The following CRADD variants were observed in gnomAD, a reference collection of about 807,000 sequenced individuals.
CRADD encodes the protein CARD and death domain containing adaptor protein.
CRADD carries 9 observed loss-of-function variants against 15.5 expected under a neutral mutation model. That is an observed-to-expected ratio of 0.58 (90% CI 0.35 to 1.01). CRADD has a LOEUF of 1.01. CRADD is among the 50% of genes least tolerant of loss of function. CRADD has a pLI of 0.02. For missense variants in CRADD, 227 were observed against 250.3 expected (o/e 0.91, Z 0.63); for synonymous variants, 118 against 107.6 (o/e 1.10, Z -0.60).
At chr12:93,820,999 T>C (rs2137018755) in intron 2 of CRADD, among the ~76,000 whole-genome samples, 1 of 152,364 alleles carries the variant, frequency 6.6e-6, no homozygotes, top group East Asian at 1.9e-4. Flanking sequence ...AGACACTGCC[T>C]GATGCAGAGG....
chr12:93,711,425 G>C (rs777142808), intron 2 of CRADD, among the ~76,000 whole-genome samples: 5 of 152,032 alleles, frequency 3.3e-5, no homozygotes, highest in Non-Finnish European at 7.4e-5. Context: ...ATGTAAGTCA[G>C]ATCATGTTAT....
At chr12:93,825,445 AAG>A (rs1957813334) in intron 2 of CRADD, among the ~76,000 whole-genome samples, 1 of 152,172 alleles carries the variant, frequency 6.6e-6, no homozygotes, top group African/African-American at 2.4e-5. Flanking sequence ...CGATGGCTTT[AAG>A]AGTAAAAGTG....
intron 2 of CRADD, among the ~76,000 whole-genome samples, chr12:93,890,960 GCTGGTCTCAAACTC>G (rs536102990): frequency 1.3e-5 from 2 of 151,676 alleles, no homozygotes; most frequent in Admixed American, 1.3e-4. Flanking sequence ...TGTTAGCCAG[GCTGGTCTCAAACTC>G]CTGGCCTCAA....
chr12:93,876,541 T>C (rs1055611104), intron 2 of CRADD, among the ~76,000 whole-genome samples: 1 of 152,170 alleles, frequency 6.6e-6, no homozygotes, highest in Non-Finnish European at 1.5e-5. Context: ...TGACTGTATT[T>C]TCAAATAGCC....
At chr12:93,698,798 C>A (rs888027475) in intron 2 of CRADD, among the ~76,000 whole-genome samples, 2 of 152,148 alleles carry the variant, frequency 1.3e-5, no homozygotes, top group African/African-American at 4.8e-5. Context: ...AAGAAGATTA[C>A]ATGATGTTTG....
chr12:93,893,631 C>T (rs768541088), intron 2 of CRADD, among the ~76,000 whole-genome samples: 2 of 152,270 alleles, frequency 1.3e-5, no homozygotes, highest in Middle Eastern at 3.4e-3. Flanking sequence ...CTAGGCTGGG[C>T]GCAGTGGCTC....
intron 2 of CRADD, among the ~76,000 whole-genome samples, chr12:93,744,579 A>G (rs1956725690): frequency 6.6e-6 from 1 of 152,200 alleles, no homozygotes; most frequent in Non-Finnish European, 1.5e-5. Flanking sequence ...TAACTGGGTA[A>G]TGGGACTTCT....
At chr12:93,790,833 T>A (rs958130380) in intron 2 of CRADD, 3 of 151,966 alleles carry the variant, frequency 2.0e-5, no homozygotes, top group African/African-American at 7.3e-5. Context: ...AGCATAATCA[T>A]CTACTTAAAA....
At chr12:93,772,451 C>T (rs1957094386) in intron 2 of CRADD, among the ~76,000 whole-genome samples, 1 of 152,158 alleles carries the variant, frequency 6.6e-6, no homozygotes, top group Non-Finnish European at 1.5e-5. Flanking sequence ...ATGTCTATGC[C>T]ATAGCCTTTT....
At chr12:93,685,948 G>A (rs950980661) in intron 2 of CRADD, among the ~76,000 whole-genome samples, 2 of 151,904 alleles carry the variant, frequency 1.3e-5, no homozygotes, top group Admixed American at 6.6e-5. Context: ...AGCTGAGATC[G>A]CGCCATTGCA....
chr12:93,754,601 T>C (rs545160372), intron 2 of CRADD, among the ~76,000 whole-genome samples: 13 of 152,226 alleles, frequency 8.5e-5, no homozygotes, highest in Non-Finnish European at 1.8e-4. Context: ...GCCACCAGTC[T>C]CTTTGCTAAA....
intron 2 of CRADD, among the ~76,000 whole-genome samples, chr12:93,847,304 G>A (rs138381612): frequency 6.7e-6 from 1 of 149,382 alleles, no homozygotes; most frequent in African/African-American, 2.5e-5. Context: ...AACTTTTAAG[G>A]GAAATAACAT....
intron 2 of CRADD, among the ~76,000 whole-genome samples, chr12:93,765,604 C>T (rs897011977): frequency 7.9e-5 from 12 of 152,248 alleles, no homozygotes; most frequent in East Asian, 7.7e-4. Flanking sequence ...CTCCTGGGTG[C>T]GCCCTCCTAG....
At chr12:93,735,741 A>C (rs1045961268) in intron 2 of CRADD, 1 of 152,152 alleles carries the variant, frequency 6.6e-6, no homozygotes, top group African/African-American at 2.4e-5. Context: ...TCTCTACAAA[A>C]AGAAAGAAAA....
chr12:93,811,259 T>C (rs1302631479), intron 2 of CRADD, among the ~76,000 whole-genome samples: 1 of 152,228 alleles, frequency 6.6e-6, no homozygotes, highest in Admixed American at 6.5e-5. Flanking sequence ...GCCTGCTCTG[T>C]GCCAGATTCA....
chr12:93,803,327 G>A (rs1957495352), intron 2 of CRADD, among the ~76,000 whole-genome samples: 1 of 152,164 alleles, frequency 6.6e-6, no homozygotes, highest in African/African-American at 2.4e-5. Flanking sequence ...TGGCTGGAGG[G>A]GAGGCAGCTC....
chr12:93,888,744 T>G (rs1364748022), intron 2 of CRADD, among the ~76,000 whole-genome samples: 1 of 152,124 alleles, frequency 6.6e-6, no homozygotes, highest in Non-Finnish European at 1.5e-5. Flanking sequence ...GTTAATCCAT[T>G]AGAGCTGGAG....
chr12:93,786,467 C>T (rs972762987), intron 2 of CRADD, among the ~76,000 whole-genome samples: 3 of 152,138 alleles, frequency 2.0e-5, no homozygotes, highest in Admixed American at 6.5e-5. Context: ...AAGGGAATTC[C>T]ATTACCTTTT....
chr12:93,859,908 T>A (rs1454236972), intron 2 of CRADD, among the ~76,000 whole-genome samples: 11 of 132,482 alleles, frequency 8.3e-5, no homozygotes, highest in African/African-American at 2.3e-4. Flanking sequence ...TTTTTTTTTT[T>A]ATATAGAGAT....
Sources: gnomAD v4.1 joint callset for allele counts (sites outside exome capture counted in the v4.1 genomes callset) on GRCh38, gnomAD v4.1.1 for gene constraint, MANE v1.5 for transcripts, NCBI Gene and HGNC (gene_info 2026-07-23, HGNC 2026-07-21) for gene names.